Variants in LATS2 observed in about 807,000 individuals in gnomAD.
The protein encoded by LATS2 is large tumor suppressor kinase 2, also known as serine/threonine-protein kinase LATS2.
A neutral mutation model predicts 76.0 loss-of-function variants in LATS2; 24 were observed. That is an observed-to-expected ratio of 0.32 (90% CI 0.23 to 0.44). The LOEUF (loss-of-function observed/expected upper bound fraction) is 0.44. Among genes scored for constraint, LATS2 ranks in the 20% least tolerant of loss-of-function variants. The pLI, the probability that LATS2 is intolerant of heterozygous loss-of-function variation, is 1.00. For missense variants in LATS2, 1,286 were observed against 1,481.2 expected (o/e 0.87, Z 2.16); for synonymous variants, 692 against 635.4 (o/e 1.09, Z -1.34).
chr13:21,013,999 AAGAAGAGGAGGAAG>A (rs1392153759), intron 2 of LATS2, among the ~76,000 whole-genome samples: 10 of 151,572 alleles, frequency 6.6e-5, no homozygotes, highest in Non-Finnish European at 1.2e-4. Context: ...AAAGAAGAAG[AAGAAGAGGAGGAAG>A]AGAAGAGGAG....
chr13:21,032,111 G>A (rs1386359661), intron 2 of LATS2, among the ~76,000 whole-genome samples: 3 of 152,136 alleles, frequency 2.0e-5, no homozygotes, highest in Non-Finnish European at 2.9e-5. Context: ...ACCATGTGCA[G>A]TAATGATGGA....
chr13:21,028,557 T>C (rs1336275282), intron 2 of LATS2, among the ~76,000 whole-genome samples: 1 of 152,232 alleles, frequency 6.6e-6, no homozygotes, highest in Non-Finnish European at 1.5e-5. Context: ...TTCTAAATAC[T>C]ACTGTAAATG....
chr13:21,031,451 C>T (rs1227618989), intron 2 of LATS2, among the ~76,000 whole-genome samples: 1 of 152,066 alleles, frequency 6.6e-6, no homozygotes, highest in African/African-American at 2.4e-5. Context: ...TTTCTACTGC[C>T]GTACCTAATG....
At chr13:21,038,211 G>A (rs140823733) in intron 2 of LATS2, among the ~76,000 whole-genome samples, 132 of 152,282 alleles carry the variant, frequency 8.7e-4, no homozygotes, top group Non-Finnish European at 1.6e-3. Context: ...CAGGAGCAAA[G>A]GTGGAGCCTG....
intron 5 of LATS2, 104 bp from the exon 6 acceptor site, chr13:20,981,752 T>C: frequency 1.1e-6 from 1 of 935,516 alleles, no homozygotes. Context: ...AGCAAAGTCA[T>C]TCCAATCAGC....
intron 4 of LATS2, 75 bp from the exon 5 acceptor site, chr13:20,983,881 T>A (rs1388026224): frequency 2.4e-6 from 3 of 1,230,522 alleles, no homozygotes; most frequent in Non-Finnish European, 3.4e-6. Context: ...GGGATGGGGA[T>A]GCCCTGGAAC....
At chr13:20,989,387 G>A (rs1228409188) in intron 3 of LATS2, 83 bp from the exon 4 acceptor site, 2 of 1,453,602 alleles carry the variant, frequency 1.4e-6, no homozygotes, top group Non-Finnish European at 9.5e-7. Context: ...CCCCACTCTA[G>A]CGCTGCCCTC....
chr13:20,978,099 T>C (rs1869708431), intron 7 of LATS2, among the ~76,000 whole-genome samples: 1 of 152,078 alleles, frequency 6.6e-6, no homozygotes, highest in Non-Finnish European at 1.5e-5. Flanking sequence ...GTATTTTCAG[T>C]AGAGACGGGG....
intron 2 of LATS2, among the ~76,000 whole-genome samples, chr13:21,024,052 T>C (rs1872197739): frequency 7.2e-6 from 1 of 138,676 alleles, no homozygotes; most frequent in African/African-American, 2.8e-5. Flanking sequence ...CCCCAGGGAG[T>C]TTACAGACCT....
chr13:21,035,855 G>GT (rs1189030451), intron 2 of LATS2, among the ~76,000 whole-genome samples: 1 of 152,162 alleles, frequency 6.6e-6, no homozygotes, highest in African/African-American at 2.4e-5. Flanking sequence ...ACTCACAAAG[G>GT]TAAGTCATTC....
chr13:20,993,798 C>T (rs1354214292), intron 2 of LATS2, among the ~76,000 whole-genome samples: 1 of 152,114 alleles, frequency 6.6e-6, no homozygotes, highest in Non-Finnish European at 1.5e-5. Context: ...ATCACGTCTA[C>T]GAAGACTCAA....
intron 2 of LATS2, among the ~76,000 whole-genome samples, chr13:21,039,227 AAACTT>A (rs1318397276): frequency 5.9e-5 from 9 of 152,326 alleles, no homozygotes; most frequent in African/African-American, 2.2e-4. Context: ...CGACATTCCT[AAACTT>A]AAGTGTTTCT....
intron 2 of LATS2, among the ~76,000 whole-genome samples, chr13:21,006,172 G>A (rs1871256417): frequency 6.6e-6 from 1 of 151,242 alleles, no homozygotes; most frequent in Non-Finnish European, 1.5e-5. Context: ...AAAAAGGAAA[G>A]GATTCACTTT....
rs190298376 is a variant in LATS2 at position 21,037,520 on chromosome 13, A to G, written c.342+8165T>C. 8.4e-3 allele frequency among the ~76,000 whole-genome samples: 1,276 copies of G among 152,360 alleles called. 12 individuals are homozygous for G. The highest frequency in any genetic ancestry group is 0.03 in the African/African-American group (1,227 of 41,586). On this transcript the variant is annotated intron_variant, in intron 2 of 7. Transcript: ENST00000382592. Reference sequence around the variant, plus strand: ...GTTAGGTGTTTTTGAGAGCTTGCACAGTTCTGGGTCTTAGAAAGTGGCGAC... The same window carrying G: ...GTTAGGTGTTTTTGAGAGCTTGCACGGTTCTGGGTCTTAGAAAGTGGCGAC...
chr13:21,059,233 T>A (rs12431254), intron 1 of LATS2, among the ~76,000 whole-genome samples: 9,757 of 152,290 alleles, frequency 0.064, 938 homozygotes, highest in East Asian at 0.43. Flanking sequence ...AATTTGAATT[T>A]TTTACCGGCC....
At chr13:20,979,610 C>T (rs1869776534) in intron 7 of LATS2, 81 bp downstream of exon 7, 1 of 687,804 alleles carries the variant, frequency 1.5e-6, no homozygotes, top group Admixed American at 2.3e-5. Context: ...AATAAGAGGG[C>T]AAATGCTGAC....
At chr13:20,978,823 G>A (rs1309892796) in intron 7 of LATS2, among the ~76,000 whole-genome samples, 1 of 152,178 alleles carries the variant, frequency 6.6e-6, no homozygotes, top group East Asian at 1.9e-4. Flanking sequence ...CTGCAGTGGT[G>A]TGATCTCGGC....
At chr13:20,998,115 G>A (rs1870838038) in intron 2 of LATS2, among the ~76,000 whole-genome samples, 1 of 152,144 alleles carries the variant, frequency 6.6e-6, no homozygotes, top group African/African-American at 2.4e-5. Context: ...TGTAATCCCA[G>A]GGCTTTGGGA....
chr13:20,988,203 CTGCGCAGCAGCAGG>C lies in LATS2; in HGVS notation c.1563_1576del (p.His521GlnfsTer45), dbSNP rs1870261812. ...GTCCAGGTCGTACTGCTCCGACTTG[CTGCGCAGCAGCAGG>C]TGCTTCGGGTAGGGCGGAGGCGGGC... is the stretch of plus-strand genomic sequence containing the variant. On this transcript the variant is annotated frameshift_variant, in exon 4 of 8. Transcript: ENST00000382592. LOFTEE classifies it high-confidence loss of function. 6.2e-7 allele frequency: 1 copy of C among 1,611,658 alleles called. No individual in the cohort carries two copies. Among genetic ancestry groups the C allele is most frequent in the South Asian group, 1.1e-5 (1 of 91,014 alleles).
Sources: gnomAD v4.1 joint callset for allele counts (sites outside exome capture counted in the v4.1 genomes callset) on GRCh38, gnomAD v4.1.1 for gene constraint, MANE v1.5 for transcripts, NCBI Gene and HGNC (gene_info 2026-07-23, HGNC 2026-07-21) for gene names.